Variants in PTPRD observed in about 807,000 individuals in gnomAD.
The protein encoded by PTPRD is protein tyrosine phosphatase receptor type D.
A neutral mutation model predicts 214.5 loss-of-function variants in PTPRD; 34 were observed. The ratio of observed to expected loss-of-function variants is 0.16; its 90% CI spans 0.12 to 0.21. The LOEUF (loss-of-function observed/expected upper bound fraction) is 0.21, where lower values mean the gene tolerates loss of function less well. Ranked by LOEUF, PTPRD falls within the 10% of genes least tolerant of loss-of-function variation. The probability of loss-of-function intolerance (pLI) is 1.00; values close to 1 mark genes in which losing one functional copy is unlikely to be tolerated. For synonymous variants in PTPRD, 1,128 were observed against 845.7 expected, an observed-to-expected ratio of 1.33 and a Z score of -5.79; for missense variants, 2,545 against 2,398.7, an observed-to-expected ratio of 1.06 and a Z score of -1.27.
intron 2 of PTPRD, among the ~76,000 whole-genome samples, chr9:10,583,506 C>A (rs117171007): frequency 0.053 from 8,008 of 151,626 alleles, 327 homozygotes; most frequent in Middle Eastern, 0.14. Context: ...GGCTGGACTG[C>A]CGTGGCGCGA....
intron 18 of PTPRD, among the ~76,000 whole-genome samples, chr9:8,523,841 G>C (rs886182128): frequency 6.6e-6 from 1 of 152,102 alleles, no homozygotes; most frequent in Non-Finnish European, 1.5e-5. Flanking sequence ...GAGAAGAAAT[G>C]ACTTTCTTCA....
chr9:10,135,011 A>T lies in PTPRD; in HGVS notation c.-544-101221T>A, dbSNP rs140940023. On this transcript the variant is annotated intron_variant, in intron 3 of 45. Coordinates refer to ENST00000381196, the MANE Select transcript of PTPRD (RefSeq NM_002839.4). ...CGGTCCAACAGCTGAAAGATGACAT[A>T]GCAATTTTTTAAAAGAACCAAATTG... Among the ~76,000 whole-genome samples, 337 of 152,272 alleles carry T rather than the reference A, an allele frequency of 2.2e-3. 1 individual carries two copies. The highest frequency in any genetic ancestry group is 7.7e-3 in the African/African-American group (321 of 41,548).
chr9:8,485,190 T>C (rs996769005), intron 29 of PTPRD, 37 bp downstream of exon 29: 1 of 1,577,402 alleles, frequency 6.3e-7, no homozygotes, highest in African/African-American at 1.4e-5. Flanking sequence ...CCCTCTACTT[T>C]TATCTGTGAT....
intron 2 of PTPRD, among the ~76,000 whole-genome samples, chr9:10,422,810 T>G (rs1184948086): frequency 6.6e-6 from 1 of 152,088 alleles, no homozygotes; most frequent in Non-Finnish European, 1.5e-5. Context: ...AAACAACAGA[T>G]GCTGGAGTGG....
intron 9 of PTPRD, among the ~76,000 whole-genome samples, chr9:9,278,655 G>A (rs1280492535): frequency 6.6e-6 from 1 of 151,300 alleles, no homozygotes; most frequent in Admixed American, 6.6e-5. Flanking sequence ...TGGTTGGCCT[G>A]CCTATACAAC....
chr9:8,681,348 C>T (rs907745501), intron 12 of PTPRD, among the ~76,000 whole-genome samples: 24 of 150,684 alleles, frequency 1.6e-4, no homozygotes, highest in Non-Finnish European at 4.4e-5. Flanking sequence ...CTATAGCTAG[C>T]GAAGAAAAAA....
intron 26 of PTPRD, among the ~76,000 whole-genome samples, chr9:8,495,227 G>A (rs2097236927): frequency 6.6e-6 from 1 of 152,036 alleles, no homozygotes; most frequent in African/African-American, 2.4e-5. Flanking sequence ...AATCATTCCT[G>A]GAAGTAGACT....
intron 3 of PTPRD, among the ~76,000 whole-genome samples, chr9:10,280,811 C>T (rs1313700611): frequency 6.6e-6 from 1 of 151,798 alleles, no homozygotes; most frequent in Non-Finnish European, 1.5e-5. Context: ...GATGAGGTTC[C>T]ACTTTGTTGT....
chr9:9,059,919 G>T (rs1390400744), intron 10 of PTPRD, among the ~76,000 whole-genome samples: 2 of 151,922 alleles, frequency 1.3e-5, no homozygotes, highest in African/African-American at 2.4e-5. Flanking sequence ...TAAATGGAGG[G>T]TTACCCCATA....
chr9:9,440,305 T>C (rs1460166599), intron 8 of PTPRD, among the ~76,000 whole-genome samples: 1 of 152,218 alleles, frequency 6.6e-6, no homozygotes, highest in Non-Finnish European at 1.5e-5. Context: ...AAATTATTTT[T>C]CCTTTGGTTT....
At chr9:10,107,020 G>A (rs565672757) in intron 3 of PTPRD, among the ~76,000 whole-genome samples, 1 of 151,864 alleles carries the variant, frequency 6.6e-6, no homozygotes, top group African/African-American at 2.4e-5. Context: ...GGAAGAAATC[G>A]ATGATGACAC....
intron 10 of PTPRD, among the ~76,000 whole-genome samples, chr9:9,113,233 C>A (rs189687576): frequency 1.3e-5 from 2 of 152,128 alleles, no homozygotes; most frequent in East Asian, 1.9e-4. Context: ...CTTCAGCCCC[C>A]CGAGGTGCTA....
chr9:10,139,361 G>T (rs184413671), intron 3 of PTPRD, among the ~76,000 whole-genome samples: 73 of 151,966 alleles, frequency 4.8e-4, no homozygotes, highest in African/African-American at 1.7e-3. Flanking sequence ...ACAAAACACT[G>T]CTGAATAAAA....
intron 11 of PTPRD, among the ~76,000 whole-genome samples, chr9:8,942,216 C>A (rs941313633): frequency 3.3e-5 from 5 of 151,824 alleles, no homozygotes; most frequent in African/African-American, 9.7e-5. Context: ...CTTTTTTTTG[C>A]CCCCCTGTCT....
chr9:10,608,967 T>C (rs1250510861), intron 2 of PTPRD, among the ~76,000 whole-genome samples: 2 of 152,154 alleles, frequency 1.3e-5, no homozygotes, highest in Non-Finnish European at 2.9e-5. Context: ...AATTGCACTT[T>C]AATACATAAG....
chr9:9,524,839 T>C (rs572968447), intron 8 of PTPRD, among the ~76,000 whole-genome samples: 2 of 151,396 alleles, frequency 1.3e-5, no homozygotes, highest in South Asian at 4.1e-4. Context: ...GATAGGAGTT[T>C]TGTTTGCTTG....
chr9:8,967,214 C>A (rs1415983933), intron 11 of PTPRD, among the ~76,000 whole-genome samples: 2 of 151,724 alleles, frequency 1.3e-5, no homozygotes, highest in South Asian at 4.2e-4. Context: ...GTAAATTAGT[C>A]CTGCCACTAT....
intron 8 of PTPRD, among the ~76,000 whole-genome samples, chr9:9,511,711 C>A (rs977627020): frequency 6.6e-6 from 1 of 151,648 alleles, no homozygotes; most frequent in Non-Finnish European, 1.5e-5. Context: ...ATTCTTTAAA[C>A]ATATATTAAT....
At chr9:9,485,737 T>C (rs1440150042) in intron 8 of PTPRD, among the ~76,000 whole-genome samples, 1 of 152,180 alleles carries the variant, frequency 6.6e-6, no homozygotes, top group Non-Finnish European at 1.5e-5. Flanking sequence ...AAATTTACAC[T>C]GAACCTATCT....
Sources: allele counts gnomAD v4.1 joint callset (sites outside exome capture counted in the v4.1 genomes callset), GRCh38; gene constraint gnomAD v4.1.1; transcripts MANE v1.5; gene names NCBI Gene and HGNC (gene_info 2026-07-23, HGNC 2026-07-21).